Variants in MAP3K5 observed in about 807,000 individuals in gnomAD.
MAP3K5 encodes the protein mitogen-activated protein kinase kinase kinase 5, also known as ASK-1.
A neutral mutation model predicts 158.7 loss-of-function variants in MAP3K5; 56 were observed. The observed-to-expected ratio is 0.35, with a 90% CI of 0.28 to 0.44. The LOEUF (loss-of-function observed/expected upper bound fraction) is 0.44. Ranked by LOEUF, MAP3K5 falls within the 20% of genes least tolerant of loss-of-function variation. The pLI is 1.00. For synonymous variants in MAP3K5, 579 were observed against 601.7 expected (o/e 0.96, Z 0.55); for missense variants, 1,294 against 1,674.8 (o/e 0.77, Z 3.97).
At chr6:136,647,997 G>A (rs1004496185) in intron 11 of MAP3K5, 3 of 152,134 alleles carry the variant, frequency 2.0e-5, no homozygotes, top group Non-Finnish European at 4.4e-5. Flanking sequence ...GTAGCATGAT[G>A]CATTTTAACA....
intron 1 of MAP3K5, among the ~76,000 whole-genome samples, chr6:136,737,026 T>C (rs1782492002): frequency 7.8e-6 from 1 of 128,382 alleles, no homozygotes. Context: ...TTTACATATA[T>C]ATATGTGTGT....
intron 15 of MAP3K5, among the ~76,000 whole-genome samples, chr6:136,616,313 T>A (rs1776560947): frequency 6.7e-6 from 1 of 150,332 alleles, no homozygotes; most frequent in African/African-American, 2.4e-5. Flanking sequence ...TTTTTTTTTT[T>A]TTTTTTTTGA....
chr6:136,650,806 A>T (rs1215095278), intron 11 of MAP3K5, among the ~76,000 whole-genome samples, 178 bp downstream of exon 11: 2 of 152,222 alleles, frequency 1.3e-5, no homozygotes, highest in Non-Finnish European at 2.9e-5. Flanking sequence ...ATACTGATAA[A>T]AATTCATAAT....
intron 1 of MAP3K5, among the ~76,000 whole-genome samples, chr6:136,766,195 T>C (rs1783960613): frequency 6.6e-6 from 1 of 152,174 alleles, no homozygotes; most frequent in Admixed American, 6.5e-5. Context: ...ACTGAGTGTA[T>C]AAACACTAAG....
At chr6:136,610,273 G>A (rs1264850326) in intron 18 of MAP3K5, among the ~76,000 whole-genome samples, 1 of 152,126 alleles carries the variant, frequency 6.6e-6, no homozygotes, top group Non-Finnish European at 1.5e-5. Flanking sequence ...CTGTTGGGCA[G>A]TCATGAATCT....
At chr6:136,631,566 G>A (rs936869347) in intron 14 of MAP3K5, among the ~76,000 whole-genome samples, 12 of 150,318 alleles carry the variant, frequency 8.0e-5, no homozygotes, top group African/African-American at 2.9e-4. Flanking sequence ...AGGCTGGAGT[G>A]CAGTGGCGCA....
At position 136,611,300 on chromosome 6, in the gene MAP3K5, A is replaced by G; in HGVS notation, c.2503T>C (p.Cys835Arg). Residue 835 changes from cysteine (C) to arginine (R), a missense_variant, in exon 18 of 30, where the codon TGT becomes CGT. Around this residue, in one of 5 missense-constraint regions of MAP3K5, gnomAD observed 362 missense variants for 463.2 expected, o/e 0.78. Transcript: ENST00000359015. ...TSKRLAGINP[C>R]TETFTGTLQY... ...AACATACCAGTAAAAGTTTCAGTAC[A>G]GGGGTTTATGCCAGCAAGCCTCTTT... The G allele has an allele frequency of 3.7e-6, 6 of 1,611,494 alleles. No individual in the cohort carries two copies. The highest frequency in any genetic ancestry group is 2.2e-5 in the East Asian group (1 of 44,856).
intron 21 of MAP3K5, among the ~76,000 whole-genome samples, chr6:136,599,172 G>C (rs1343744623): frequency 4.7e-5 from 7 of 149,092 alleles, no homozygotes; most frequent in African/African-American, 9.7e-5. Context: ...AAAAAAAGGG[G>C]GGGGGGGCGT....
intron 21 of MAP3K5, among the ~76,000 whole-genome samples, chr6:136,600,258 A>T (rs1479233055): frequency 1.4e-5 from 2 of 144,812 alleles, no homozygotes; most frequent in Non-Finnish European, 3.0e-5. Context: ...TGGTATAATC[A>T]CGGCTCACTA....
intron 3 of MAP3K5, among the ~76,000 whole-genome samples, chr6:136,700,926 C>T (rs901733376): frequency 7.2e-5 from 11 of 152,260 alleles, no homozygotes; most frequent in Admixed American, 4.6e-4. Flanking sequence ...TATGAGCATA[C>T]GGAGAATAAT....
At chr6:136,608,828 G>C (rs961774661) in intron 18 of MAP3K5, among the ~76,000 whole-genome samples, 1 of 152,214 alleles carries the variant, frequency 6.6e-6, no homozygotes, top group African/African-American at 2.4e-5. Flanking sequence ...CATAAATGGT[G>C]ATCACTGCTG....
chr6:136,791,779 G>T lies in MAP3K5; in HGVS notation c.379C>A (p.Leu127Met). 4.3e-6 allele frequency: 7 copies of T among 1,613,616 alleles called. No individual in the cohort carries two copies. Among genetic ancestry groups the T allele is most frequent in the South Asian group, 3.3e-5 (3 of 91,086 alleles). The change falls in exon 1 of 30, where the codon CTG becomes ATG. Residue 127 changes from leucine (L) to methionine (M), a missense_variant. This residue lies in a region of MAP3K5 where 690 missense variants were observed against 870.5 expected (regional missense o/e 0.79). Coordinates refer to ENST00000359015, the MANE Select transcript of MAP3K5 (RefSeq NM_005923.4). Reference protein sequence around the residue: ...REACETVGATLETLHFGKLDF... With the variant: ...REACETVGATMETLHFGKLDF... Reference sequence around the variant, plus strand: ...AGTTTCCCAAAATGCAGGGTTTCCAGGGTGGCGCCCACTGTCTCGCACGCC... The same window carrying T: ...AGTTTCCCAAAATGCAGGGTTTCCATGGTGGCGCCCACTGTCTCGCACGCC...
chr6:136,671,780 A>C (rs987876064), intron 7 of MAP3K5, among the ~76,000 whole-genome samples: 35 of 151,188 alleles, frequency 2.3e-4, no homozygotes, highest in Non-Finnish European at 2.5e-4. Flanking sequence ...TGCCCGAATA[A>C]TTTTTTTGTA....
chr6:136,700,150 AG>A (rs1780786190), intron 3 of MAP3K5, among the ~76,000 whole-genome samples: 1 of 152,118 alleles, frequency 6.6e-6, no homozygotes, highest in Non-Finnish European at 1.5e-5. Flanking sequence ...GGAAGGAGGG[AG>A]GGAGGAAGAA....
intron 10 of MAP3K5, among the ~76,000 whole-genome samples, chr6:136,653,827 C>T (rs113252040): frequency 5.9e-5 from 9 of 152,128 alleles, no homozygotes; most frequent in East Asian, 1.9e-4. Flanking sequence ...CAAATGAAGT[C>T]GTTGTAGGAA....
At chr6:136,788,837 T>C (rs914646642) in intron 1 of MAP3K5, among the ~76,000 whole-genome samples, 2 of 152,186 alleles carry the variant, frequency 1.3e-5, no homozygotes, top group African/African-American at 4.8e-5. Context: ...TGGAAAGTAA[T>C]TTGGAGAGTT....
At chr6:136,688,976 A>T (rs1208857124) in intron 7 of MAP3K5, among the ~76,000 whole-genome samples, 1 of 149,860 alleles carries the variant, frequency 6.7e-6, no homozygotes, top group Non-Finnish European at 1.5e-5. Flanking sequence ...GCACAATTAC[A>T]CTCCTCTTTT....
At chr6:136,637,297 A>G (rs1484800198) in intron 14 of MAP3K5, 28 bp downstream of exon 14, 2 of 1,541,238 alleles carry the variant, frequency 1.3e-6, no homozygotes, top group Admixed American at 3.3e-5. Context: ...AATGAGCTCT[A>G]AATGTAAATG....
intron 7 of MAP3K5, 71 bp downstream of exon 7, chr6:136,694,069 C>T (rs1780498506): frequency 3.4e-6 from 4 of 1,174,276 alleles, no homozygotes; most frequent in Non-Finnish European, 4.9e-6. Context: ...CTTTAACACT[C>T]TCATTTGCAA....
Sources: gnomAD v4.1 joint callset for allele counts (sites outside exome capture counted in the v4.1 genomes callset) on GRCh38, gnomAD v4.1.1 for gene constraint, gnomAD v4.1.1 regional missense constraint, MANE v1.5 for transcripts, NCBI Gene and HGNC (gene_info 2026-07-23, HGNC 2026-07-21) for gene names.